DGKI: variants seen among roughly 807,000 people sequenced by gnomAD.
DGKI encodes the protein diacylglycerol kinase iota.
Under a neutral mutation model 147.5 loss-of-function variants are expected in DGKI, and 55 were observed. The ratio of observed to expected loss-of-function variants is 0.37; its 90% confidence interval spans 0.30 to 0.47. The LOEUF is 0.47. Among genes scored for constraint, DGKI ranks in the 20% least tolerant of loss-of-function variants. DGKI has a pLI of 1.00. For synonymous variants in DGKI, 469 were observed against 477.1 expected (o/e 0.98, Z 0.22); for missense variants, 1,007 against 1,323.8 (o/e 0.76, Z 3.71).
At chr7:137,605,571 G>T (rs533524174) in intron 10 of DGKI, among the ~76,000 whole-genome samples, 1 of 152,006 alleles carries the variant, frequency 6.6e-6, no homozygotes, top group East Asian at 1.9e-4. Context: ...GTTCATCAGT[G>T]GAAGAATGGA....
intron 6 of DGKI, among the ~76,000 whole-genome samples, chr7:137,637,546 C>T (rs6467712): frequency 0.064 from 9,725 of 152,250 alleles, 948 homozygotes; most frequent in African/African-American, 0.21. Context: ...TAACCAACTG[C>T]TAAACCAACT....
intron 24 of DGKI, among the ~76,000 whole-genome samples, chr7:137,468,336 TG>T (rs1170552582): frequency 3.3e-5 from 5 of 152,220 alleles, no homozygotes; most frequent in African/African-American, 9.6e-5. Context: ...AACTACTACC[TG>T]GGCTAAGACT....
intron 27 of DGKI, among the ~76,000 whole-genome samples, chr7:137,463,064 G>T (rs1036119154): frequency 7.2e-5 from 11 of 152,080 alleles, no homozygotes; most frequent in African/African-American, 2.4e-4. Context: ...ACATGCACAG[G>T]CTCAGGACTG....
At chr7:137,801,264 A>G (rs898068370) in intron 1 of DGKI, among the ~76,000 whole-genome samples, 1 of 152,178 alleles carries the variant, frequency 6.6e-6, no homozygotes, top group African/African-American at 2.4e-5. Flanking sequence ...GTCAAATATT[A>G]TACTTTCTTG....
At chr7:137,786,618 T>C (rs1323820616) in intron 1 of DGKI, among the ~76,000 whole-genome samples, 2 of 144,900 alleles carry the variant, frequency 1.4e-5, no homozygotes, top group African/African-American at 2.6e-5. Context: ...GAAAAAACAA[T>C]CCTAAAATTC....
chr7:137,644,658 G>C (rs1821764544), intron 6 of DGKI, among the ~76,000 whole-genome samples: 2 of 152,190 alleles, frequency 1.3e-5, no homozygotes. Flanking sequence ...TTATCTTGCT[G>C]TCTGCCAAAT....
chr7:137,465,078 G>A (rs1297802011), intron 26 of DGKI, among the ~76,000 whole-genome samples: 15 of 152,194 alleles, frequency 9.9e-5, no homozygotes, highest in Admixed American at 9.8e-4. Flanking sequence ...TTTGGTGGTA[G>A]AAGGTGGTAG....
intron 28 of DGKI, among the ~76,000 whole-genome samples, chr7:137,415,553 T>C (rs1160587653): frequency 6.6e-6 from 1 of 152,108 alleles, no homozygotes; most frequent in East Asian, 1.9e-4. Context: ...ACAAATCAGT[T>C]TGGACTTTAA....
At chr7:137,693,225 T>C (rs1445672943) in intron 1 of DGKI, among the ~76,000 whole-genome samples, 1 of 152,180 alleles carries the variant, frequency 6.6e-6, no homozygotes, top group Non-Finnish European at 1.5e-5. Context: ...AGTAGTTTTA[T>C]GCTGCAATTT....
At chr7:137,685,929 G>A (rs1309210108) in intron 2 of DGKI, among the ~76,000 whole-genome samples, 1 of 152,114 alleles carries the variant, frequency 6.6e-6, no homozygotes, top group African/African-American at 2.4e-5. Context: ...GATTATCTGA[G>A]TGCCTGTCAA....
intron 1 of DGKI, among the ~76,000 whole-genome samples, chr7:137,758,275 G>A (rs979934476): frequency 2.4e-4 from 36 of 152,184 alleles, no homozygotes; most frequent in Non-Finnish European, 5.9e-5. Flanking sequence ...TCAGGTCCTG[G>A]CCCAAGTGGT....
chr7:137,585,665 C>T (rs1819368023), intron 13 of DGKI, among the ~76,000 whole-genome samples: 1 of 152,154 alleles, frequency 6.6e-6, no homozygotes, highest in Admixed American at 6.5e-5. Flanking sequence ...ACAGGACTCC[C>T]CATGGCTCTC....
intron 13 of DGKI, among the ~76,000 whole-genome samples, chr7:137,586,341 T>C (rs1323960776): frequency 1.3e-5 from 2 of 151,992 alleles, no homozygotes; most frequent in African/African-American, 4.8e-5. Flanking sequence ...GGCAGGAGAA[T>C]TGCTTGAACC....
chr7:137,442,910 T>C (rs1277365202), intron 28 of DGKI, among the ~76,000 whole-genome samples: 1 of 152,172 alleles, frequency 6.6e-6, no homozygotes, highest in Admixed American at 6.5e-5. Flanking sequence ...TAGAAAAATA[T>C]TAGGCACAAC....
At chr7:137,754,765 G>C (rs370679249) in intron 1 of DGKI, among the ~76,000 whole-genome samples, 1 of 152,172 alleles carries the variant, frequency 6.6e-6, no homozygotes, top group African/African-American at 2.4e-5. Context: ...AAACGGCAGC[G>C]ATGGCAGCTT....
chr7:137,467,015 G>T, intron 24 of DGKI, 73 bp from the exon 25 acceptor site: 2 of 1,454,774 alleles, frequency 1.4e-6, no homozygotes, highest in South Asian at 1.2e-5. Context: ...CCTTCTCTTC[G>T]ACTATGCTGG....
At chr7:137,609,301 G>C (rs1411882815) in intron 9 of DGKI, among the ~76,000 whole-genome samples, 1 of 152,050 alleles carries the variant, frequency 6.6e-6, no homozygotes, top group Non-Finnish European at 1.5e-5. Flanking sequence ...TATTAGCTTG[G>C]ATCTTCATCA....
intron 9 of DGKI, 147 bp from the exon 10 acceptor site, chr7:137,609,211 A>G: frequency 6.4e-6 from 4 of 627,572 alleles, no homozygotes; most frequent in Non-Finnish European, 1.1e-5. Context: ...CTTGGAAGAA[A>G]GTATCTCAAG....
At chr7:137,662,090 A>G (rs1463370543) in intron 3 of DGKI, among the ~76,000 whole-genome samples, 1 of 152,172 alleles carries the variant, frequency 6.6e-6, no homozygotes, top group East Asian at 1.9e-4. Context: ...AAAAATGAAG[A>G]ATGACATTAT....
Sources: gnomAD v4.1 joint callset for allele counts (sites outside exome capture counted in the v4.1 genomes callset) on GRCh38, gnomAD v4.1.1 for gene constraint, MANE v1.5 for transcripts, NCBI Gene and HGNC (gene_info 2026-07-23, HGNC 2026-07-21) for gene names.